The following ATE1 variants were observed in gnomAD, a reference collection of about 807,000 sequenced individuals.
ATE1 encodes arginyl-tRNA--protein transferase 1.
In ATE1, 36 loss-of-function variants were observed where a neutral mutation model predicts 70.5. That is an observed-to-expected ratio of 0.51 (90% CI 0.39 to 0.67). ATE1 has a LOEUF of 0.67. ATE1 is among the 30% of genes least tolerant of loss of function. The pLI is 0.00. For synonymous variants in ATE1, 232 were observed against 219.3 expected, an observed-to-expected ratio of 1.06 and a Z score of -0.51; for missense variants, 593 against 629.5, an observed-to-expected ratio of 0.94 and a Z score of 0.62.
At chr10:121,823,765 G>A (rs949771340) in intron 10 of ATE1, among the ~76,000 whole-genome samples, 4 of 152,178 alleles carry the variant, frequency 2.6e-5, no homozygotes, top group Admixed American at 6.5e-5. Flanking sequence ...AAATATACAC[G>A]ATTAAATGTA....
At chr10:121,904,485 A>T (rs1590685569) in intron 5 of ATE1, among the ~76,000 whole-genome samples, 2 of 151,058 alleles carry the variant, frequency 1.3e-5, no homozygotes, top group African/African-American at 2.4e-5. Flanking sequence ...ACTAAATATT[A>T]AAAAAATGAA....
chr10:121,927,506 T>C (rs1590752373), intron 1 of ATE1: 1 of 985,284 alleles, frequency 1.0e-6, no homozygotes, highest in Non-Finnish European at 1.2e-6. Flanking sequence ...CACCCACCGG[T>C]CAGCCCCGGC....
chr10:121,794,728 G>A (rs1344676378), intron 10 of ATE1, among the ~76,000 whole-genome samples: 1 of 142,462 alleles, frequency 7.0e-6, no homozygotes, highest in Non-Finnish European at 1.5e-5. Context: ...TTAAACATAC[G>A]AATGGCCCCA....
chr10:121,854,639 C>T (rs1041730288), intron 8 of ATE1, among the ~76,000 whole-genome samples: 3 of 152,184 alleles, frequency 2.0e-5, no homozygotes, highest in Non-Finnish European at 4.4e-5. Context: ...CTGATTCACT[C>T]GTGACCCATA....
At chr10:121,750,109 A>G (rs1373560305) in intron 11 of ATE1, among the ~76,000 whole-genome samples, 1 of 152,212 alleles carries the variant, frequency 6.6e-6, no homozygotes, top group African/African-American at 2.4e-5. Flanking sequence ...TATATACTAA[A>G]GGAAAAAAGG....
At chr10:121,785,450 G>A (rs1435154074) in intron 11 of ATE1, among the ~76,000 whole-genome samples, 8 of 152,132 alleles carry the variant, frequency 5.3e-5, no homozygotes, top group African/African-American at 1.9e-4. Context: ...ATGAACGCAG[G>A]ACAGCATGCT....
intron 10 of ATE1, among the ~76,000 whole-genome samples, chr10:121,792,553 C>T (rs1006675083): frequency 5.3e-5 from 8 of 152,208 alleles, no homozygotes; most frequent in Middle Eastern, 3.4e-3. Flanking sequence ...GGTCTACAGA[C>T]GCATCTAATA....
chr10:121,910,850 T>C, intron 5 of ATE1, 56 bp downstream of exon 5: 14 of 1,610,294 alleles, frequency 8.7e-6, no homozygotes, highest in Non-Finnish European at 1.2e-5. Flanking sequence ...GGGTTTAAAA[T>C]GACTCAGCAA....
In ATE1 at chr10:121,781,221, C is replaced by T. The variant is rs554344656; in HGVS notation, c.1378+8948G>A. Among the ~76,000 whole-genome samples, 40 of 152,170 alleles carry T rather than the reference C, an allele frequency of 2.6e-4. 1 individual carries two copies. The South Asian group carries it at 8.3e-3, about 32-fold the overall frequency. On this transcript the variant is annotated intron_variant, in intron 11 of 11. Transcript: ENST00000224652. ...TACCTCTTGGGCACTGCCTTTCATCCCCTTAGCCTCACTTCTGACTCATGC... is the reference window on the plus strand; with the variant it reads ...TACCTCTTGGGCACTGCCTTTCATCTCCTTAGCCTCACTTCTGACTCATGC...
chr10:121,854,101 C>G (rs1427349355), intron 8 of ATE1, among the ~76,000 whole-genome samples: 2 of 152,260 alleles, frequency 1.3e-5, no homozygotes, highest in East Asian at 1.9e-4. Flanking sequence ...CAGTGAAGCT[C>G]TAGGCTTGAT....
chr10:121,850,688 A>C (rs1476089855), intron 8 of ATE1, among the ~76,000 whole-genome samples: 5 of 152,208 alleles, frequency 3.3e-5, no homozygotes, highest in Admixed American at 3.3e-4. Context: ...CGGCAAATAG[A>C]AACTGAGCAG....
intron 2 of ATE1, among the ~76,000 whole-genome samples, chr10:121,923,114 T>C (rs1951946830): frequency 6.6e-6 from 1 of 152,118 alleles, no homozygotes; most frequent in Non-Finnish European, 1.5e-5. Flanking sequence ...ATCTGAACAA[T>C]CTTTTCTAAA....
chr10:121,841,091 G>T lies in ATE1; in HGVS notation c.1148C>A (p.Ser383Tyr). ...CAAAAAGCAATCTTACCGTAGTGCA[G>T]AGTAGACGCCCAAAGACAAAAACGA... ...DYSFLSLGVY[S>Y]ALREIAFTRQ... is the part of the protein sequence containing the mutation. Residue 383 changes from serine (S) to tyrosine (Y), a missense_variant, in exon 9 of 12, where the codon TCT becomes TAT. Transcript: ENST00000224652. 6.4e-7 allele frequency: 1 copy of T among 1,560,190 alleles called. No homozygotes were observed. The highest frequency in any genetic ancestry group is 2.3e-5 in the East Asian group (1 of 43,472).
rs140047039 is a variant in ATE1, at chr10:121,887,625, G to C, written c.942+12241C>G. 2.5e-3 allele frequency among the ~76,000 whole-genome samples: 381 copies of C among 152,278 alleles called. 3 individuals carry two copies. Among genetic ancestry groups the C allele is most frequent in the African/African-American group, 8.9e-3 (370 of 41,538 alleles). On this transcript the variant is annotated intron_variant, in intron 7 of 11. Coordinates refer to ENST00000224652, the MANE Select transcript of ATE1 (RefSeq NM_001001976.3). ...GGAGGCTGAGGTGGGAAGACTGCTT[G>C]AGTCCAAGAGTTTGAGGTTACAGTG...
chr10:121,897,193 C>G (rs1032700417), intron 7 of ATE1, among the ~76,000 whole-genome samples: 6 of 152,200 alleles, frequency 3.9e-5, no homozygotes, highest in Non-Finnish European at 4.4e-5. Context: ...TAGTGCTGCT[C>G]TAAGTCTGCA....
Position 121,746,552 on chromosome 10 carries a change from G to A in ATE1, c.1379-2694C>T, listed in dbSNP as rs559224460. Among the ~76,000 whole-genome samples, 11 of 151,986 alleles carry A rather than the reference G, an allele frequency of 7.2e-5. No homozygotes were observed. In the South Asian group the frequency reaches 1.9e-3, roughly 26 times the overall value. On this transcript the variant is annotated intron_variant, in intron 11 of 11. Transcript: ENST00000224652. Reference sequence around the variant, plus strand: ...CCAGCCTCCTTTTCTATAAATCAACGGGACTGTTTTAGGAGATTTCTTAGT... The same window carrying A: ...CCAGCCTCCTTTTCTATAAATCAACAGGACTGTTTTAGGAGATTTCTTAGT...
At chr10:121,843,441 T>C (rs1948703671) in intron 8 of ATE1, among the ~76,000 whole-genome samples, 1 of 152,186 alleles carries the variant, frequency 6.6e-6, no homozygotes, top group Non-Finnish European at 1.5e-5. Flanking sequence ...AAACTGATTC[T>C]AAAGTTTATG....
intron 11 of ATE1, among the ~76,000 whole-genome samples, chr10:121,776,418 A>G (rs1213673125): frequency 6.6e-6 from 1 of 152,222 alleles, no homozygotes; most frequent in Non-Finnish European, 1.5e-5. Context: ...AAGATGAAAT[A>G]AGATGATACA....
At chr10:121,842,336 G>A (rs1188277783) in intron 8 of ATE1, among the ~76,000 whole-genome samples, 2 of 152,012 alleles carry the variant, frequency 1.3e-5, no homozygotes, top group African/African-American at 2.4e-5. Context: ...GTATCAAGGA[G>A]CATAAAACAG....
Sources: allele counts gnomAD v4.1 joint callset (sites outside exome capture counted in the v4.1 genomes callset), GRCh38; gene constraint gnomAD v4.1.1; transcripts MANE v1.5; gene names NCBI Gene and HGNC (gene_info 2026-07-23, HGNC 2026-07-21).